PARVB: variants seen among roughly 807,000 people sequenced by gnomAD.
PARVB encodes the protein parvin beta, also known as beta-parvin.
A neutral mutation model predicts 47.0 loss-of-function variants in PARVB; 46 were observed. The observed-to-expected ratio is 0.98, with a 90% CI of 0.77 to 1.25. The LOEUF is 1.25. PARVB is among the 50% of genes most tolerant of loss of function. The probability of loss-of-function intolerance (pLI) is 0.00; values close to 1 mark genes in which losing one functional copy is unlikely to be tolerated. For missense variants in PARVB, 473 were observed against 471.6 expected (o/e 1.00, Z -0.03); for synonymous variants, 196 against 196.3 (o/e 1.00, Z 0.01).
At chr22:44,075,481 T>C (rs910801049) in intron 1 of PARVB, among the ~76,000 whole-genome samples, 1 of 152,136 alleles carries the variant, frequency 6.6e-6, no homozygotes. Context: ...CATATCAGGG[T>C]CACCCAGAGT....
intron 1 of PARVB, chr22:44,039,979 T>C (rs2050989612): frequency 2.7e-6 from 1 of 370,714 alleles, no homozygotes; most frequent in Non-Finnish European, 5.5e-6. Context: ...TACACCCCGC[T>C]AATTTCACTT....
At chr22:44,026,656 G>A (rs140742446) in intron 1 of PARVB, among the ~76,000 whole-genome samples, 1 of 152,336 alleles carries the variant, frequency 6.6e-6, no homozygotes, top group East Asian at 1.9e-4. Context: ...CTGACTTTGG[G>A]CCGTCAGAGC....
At chr22:44,024,215 C>G (rs993884667), upstream of PARVB, 1 of 353,398 alleles carries the variant, frequency 2.8e-6, no homozygotes, top group East Asian at 1.7e-4. Flanking sequence ...GGGCCGCGCT[C>G]CAGGCCAGGG....
intron 2 of PARVB, among the ~76,000 whole-genome samples, chr22:44,094,359 GCCATGCCACGCCACGCCACA>G (rs1395154702): frequency 6.7e-6 from 1 of 149,608 alleles, no homozygotes; most frequent in Non-Finnish European, 1.5e-5. Flanking sequence ...GCCATGCCAC[GCCATGCCACGCCACGCCACA>G]CCATGCCAAG....
upstream of PARVB, among the ~76,000 whole-genome samples, chr22:44,020,096 A>C (rs2050630875): frequency 6.6e-6 from 1 of 151,932 alleles, no homozygotes; most frequent in Non-Finnish European, 1.5e-5. Flanking sequence ...CCCCCAGTCC[A>C]GTTCAATTCC....
intron 4 of PARVB, among the ~76,000 whole-genome samples, chr22:44,131,113 C>T (rs1416747451): frequency 8.7e-6 from 1 of 115,028 alleles, no homozygotes; most frequent in African/African-American, 3.2e-5. Context: ...TCCTTCCTTC[C>T]TTCCTTCCTT....
chr22:44,031,860 C>A (rs558956974), intron 1 of PARVB, among the ~76,000 whole-genome samples: 9 of 152,248 alleles, frequency 5.9e-5, no homozygotes, highest in East Asian at 1.9e-4. Context: ...TGGCACAGGG[C>A]AGGTACCTTT....
In PARVB at chr22:44,127,433, G is replaced by T. The variant is rs113345414; in HGVS notation, c.377-4054G>T. ...TGATCACCTGATCCTTGAGCTCCAG[G>T]ATGCCAGGAATGACACTGATGTAGG... On this transcript the variant is annotated intron_variant, in intron 4 of 12. Coordinates refer to ENST00000338758, the MANE Select transcript of PARVB (RefSeq NM_013327.5). Among the ~76,000 whole-genome samples the T allele has an allele frequency of 1.1e-4, 16 of 152,346 alleles. 1 individual carries two copies. The highest frequency in any genetic ancestry group is 3.4e-4 in the African/African-American group (14 of 41,576).
rs539445484 is a variant in PARVB, at chr22:44,024,316, C to G, written c.-24C>G. On this transcript the variant is annotated 5_prime_UTR_variant, in exon 1 of 13. Coordinates refer to ENST00000338758, the MANE Select transcript of PARVB (RefSeq NM_013327.5). ...CGGGCGGCTCCACACGCGCTGCGCC[C>G]GCCGCCGGCCCCACGCGCGGCCCAT... The G allele has an allele frequency of 4.9e-6, 5 of 1,016,374 alleles. No individual in the cohort carries two copies. In the East Asian group the frequency reaches 3.5e-4, roughly 72 times the overall value. The allele number at this position is 1,016,374 out of a possible 1,614,324, so 63.0% of individuals were successfully genotyped here.
At chr22:44,119,502 C>A (rs117030658) in intron 4 of PARVB, among the ~76,000 whole-genome samples, 1 of 152,206 alleles carries the variant, frequency 6.6e-6, no homozygotes, top group Non-Finnish European at 1.5e-5. Flanking sequence ...GGGTCTGCAG[C>A]AATATTCTGT....
At chr22:44,123,476 C>T (rs972162039) in intron 4 of PARVB, among the ~76,000 whole-genome samples, 1 of 152,132 alleles carries the variant, frequency 6.6e-6, no homozygotes, top group Non-Finnish European at 1.5e-5. Flanking sequence ...TGTGGGGGTA[C>T]AATCATGGCT....
At chr22:44,022,410 CCTGTCCCT>C (rs1384324217), upstream of PARVB, among the ~76,000 whole-genome samples, 1 of 152,146 alleles carries the variant, frequency 6.6e-6, no homozygotes, top group Non-Finnish European at 1.5e-5. Context: ...CCACATGGTC[CCTGTCCCT>C]CCTCCATGCT....
chr22:44,083,627 C>T (rs2051958165), intron 1 of PARVB, among the ~76,000 whole-genome samples: 1 of 152,022 alleles, frequency 6.6e-6, no homozygotes, highest in African/African-American at 2.4e-5. Context: ...GTTGTGGGGA[C>T]AGTCGAGCAG....
At position 44,171,009 on chromosome 22, in the gene PARVB, G is replaced by C. The variant is rs547273300; in HGVS notation, c.*2331G>C. ...AAAGAAATAATTAAAACAGCATTACGGTGTCTCTTGCGGGATGCAGTGACA... is the reference window on the plus strand; with the variant it reads ...AAAGAAATAATTAAAACAGCATTACCGTGTCTCTTGCGGGATGCAGTGACA... On this transcript the variant is annotated 3_prime_UTR_variant, in exon 13 of 13. Transcript: ENST00000338758. The C allele has an allele frequency of 2.0e-5, 3 of 152,232 alleles. No homozygotes were observed. Among genetic ancestry groups the C allele is most frequent in the African/African-American group, 7.2e-5 (3 of 41,442 alleles). The allele number at this position is 152,232 out of a possible 1,614,324, so 9.4% of individuals were successfully genotyped here.
intron 2 of PARVB, among the ~76,000 whole-genome samples, chr22:44,015,993 T>G (rs1313169840): frequency 6.6e-6 from 1 of 152,140 alleles, no homozygotes. Context: ...CAAACTAATC[T>G]GTAAAATCCC....
chr22:44,004,223 C>T (rs1406635586), intron 2 of PARVB, among the ~76,000 whole-genome samples: 2 of 152,232 alleles, frequency 1.3e-5, no homozygotes. Flanking sequence ...AGCCTGGGTA[C>T]CCCCTGCTGG....
At chr22:44,015,464 C>T (rs972365298) in intron 2 of PARVB, among the ~76,000 whole-genome samples, 2 of 152,142 alleles carry the variant, frequency 1.3e-5, no homozygotes, top group Non-Finnish European at 2.9e-5. Context: ...GTTGTTACCA[C>T]GTATACAATA....
intron 1 of PARVB, among the ~76,000 whole-genome samples, chr22:44,028,081 TGG>T (rs1413389772): frequency 1.3e-5 from 2 of 151,976 alleles, no homozygotes; most frequent in East Asian, 3.9e-4. Context: ...CCCGGCTGTG[TGG>T]TAGAGTCGTG....
chr22:44,016,798 G>A (rs2050587884), intron 2 of PARVB, among the ~76,000 whole-genome samples: 1 of 152,162 alleles, frequency 6.6e-6, no homozygotes, highest in Non-Finnish European at 1.5e-5. Flanking sequence ...CATCACGTCA[G>A]TGCTCAGAAA....
Sources: gnomAD v4.1 joint callset for allele counts (sites outside exome capture counted in the v4.1 genomes callset) on GRCh38, gnomAD v4.1.1 for gene constraint, MANE v1.5 for transcripts, NCBI Gene and HGNC (gene_info 2026-07-23, HGNC 2026-07-21) for gene names.